PDP1: variants seen among roughly 807,000 people sequenced by gnomAD.
PDP1 encodes the protein pyruvate dehydrogenase phosphatase catalytic subunit 1.
PDP1 carries 14 observed loss-of-function variants against 37.1 expected under a neutral mutation model. The ratio of observed to expected loss-of-function variants is 0.38; its 90% CI spans 0.25 to 0.59. PDP1 has a LOEUF of 0.59. Among genes scored for constraint, PDP1 ranks in the 20% least tolerant of loss-of-function variants. PDP1 has a pLI of 0.67. For synonymous variants in PDP1, 251 were observed against 243.3 expected (o/e 1.03, Z -0.29); for missense variants, 544 against 655.3 (o/e 0.83, Z 1.85).
rs151019510 is a variant in PDP1 at position 93,918,606 on chromosome 8, A to G, written c.-45+1527A>G. ...AACGTGGCTGAGTCTAGATCATGGA[A>G]TAGGAAATTTTCCGTGAAAATTGTG... is the stretch of plus-strand genomic sequence containing the variant. On this transcript the variant is annotated intron_variant, in intron 1 of 1. Transcript: ENST00000297598. Among the ~76,000 whole-genome samples the G allele has an allele frequency of 3.1e-3, 475 of 152,334 alleles. 2 individuals are homozygous for G. Among genetic ancestry groups the G allele is most frequent in the South Asian group, 0.028 (136 of 4,828 alleles).
chr8:93,921,022 A>T (rs1178672922), intron 1 of PDP1: 1 of 984,994 alleles, frequency 1.0e-6, no homozygotes, highest in Non-Finnish European at 1.2e-6. Flanking sequence ...TCTAGGACTG[A>T]AACCATTTAT....
At chr8:93,920,723 C>CA in intron 1 of PDP1, 4 of 780,416 alleles carry the variant, frequency 5.1e-6, no homozygotes, top group Non-Finnish European at 4.6e-6. Flanking sequence ...AAGTAAATAC[C>CA]TTTTTTTTTT....
In PDP1 at chr8:93,917,063, G is replaced by A. The variant is rs1248083371; in HGVS notation, c.-61G>A. The A allele has an allele frequency of 6.2e-6, 3 of 480,130 alleles. No homozygotes were observed. Among genetic ancestry groups the A allele is most frequent in the African/African-American group, 6.2e-5 (3 of 48,266 alleles). The allele number at this position is 480,130 out of a possible 1,614,324, so 29.7% of individuals were successfully genotyped here. A position where few individuals can be genotyped will look rare whatever the true frequency, so the allele number is the denominator to read the frequency against. On this transcript the variant is annotated 5_prime_UTR_variant, in exon 1 of 2. Transcript: ENST00000297598. The stretch of plus-strand genomic sequence containing the variant: ...CCTCCTCGTCGGGAAGAATCGTTTG[G>A]TCTCCTGCCGTGCCCGGTTCGTATT...
At position 93,922,144 on chromosome 8, in the gene PDP1, C is replaced by A; in HGVS notation, c.85C>A (p.His29Asn). Residue 29 changes from histidine to asparagine, a missense_variant, in exon 2 of 2, where the codon CAC (histidine) becomes AAC (asparagine). His to Asn is a moderately conservative substitution (Grantham distance 68). Transcript: ENST00000297598. The surrounding 1 kb of genome is among the most constrained non-coding windows in gnomAD (Gnocchi z 4.0). Reference sequence around the variant, plus strand: ...CTATGGCACTGCATGTTACTGCCACCACAAACATCTCTGTTGTTCCTCATC... The same window carrying A: ...CTATGGCACTGCATGTTACTGCCACAACAAACATCTCTGTTGTTCCTCATC... The part of the protein sequence containing the change: ...RIYGTACYCH[H>N]KHLCCSSSYI... 1 of 1,614,148 alleles carries A rather than the reference C, an allele frequency of 6.2e-7. No individual in the cohort carries two copies. The highest frequency in any genetic ancestry group is 8.5e-7 in the Non-Finnish European group (1 of 1,180,006).
Position 93,922,151 on chromosome 8 carries a change from A to T in PDP1, c.92A>T (p.His31Leu), listed in dbSNP as rs764383471. The part of the protein sequence containing the change: ...YGTACYCHHK[H>L]LCCSSSYIPQ... Reference sequence around the variant, plus strand: ...ACTGCATGTTACTGCCACCACAAACATCTCTGTTGTTCCTCATCGTACATT... The same window carrying T: ...ACTGCATGTTACTGCCACCACAAACTTCTCTGTTGTTCCTCATCGTACATT... The change falls in exon 2 of 2, where the codon CAT becomes CTT. Residue 31 changes from histidine (H) to leucine (L), a missense_variant. By Grantham distance (99) the His-to-Leu change is moderately conservative. Around this residue, in one of 5 missense-constraint regions of PDP1, gnomAD observed 342 missense variants for 414.0 expected, o/e 0.83. Coordinates refer to ENST00000297598, the MANE Select transcript of PDP1 (RefSeq NM_018444.4). This position sits in a 1 kb window ranked among gnomAD's most constrained non-coding sequence, Gnocchi z 4.0. 4 of 1,614,170 alleles carry T rather than the reference A, an allele frequency of 2.5e-6. No homozygotes were observed. In the South Asian group the frequency reaches 4.4e-5, roughly 18 times the overall value.
intron 1 of PDP1, chr8:93,918,019 T>C: frequency 6.5e-7 from 1 of 1,531,052 alleles, no homozygotes; most frequent in Non-Finnish European, 9.0e-7. Flanking sequence ...TGGATGGTTT[T>C]AGATGAATCA....
At chr8:93,919,649 C>T (rs1293774646) in intron 1 of PDP1, among the ~76,000 whole-genome samples, 3 of 138,010 alleles carry the variant, frequency 2.2e-5, no homozygotes, top group Non-Finnish European at 3.1e-5. Context: ...AGTCAGTTTA[C>T]GTTCCATACA....
At position 93,920,790 on chromosome 8, in the gene PDP1, A is replaced by G. The variant is rs1810244995; in HGVS notation, c.-44-1226A>G. The G allele has an allele frequency of 1.2e-5, 9 of 736,024 alleles. No homozygotes were observed. The South Asian group carries it at 3.7e-4, about 30-fold the overall frequency. 45.6% of individuals were successfully genotyped at this position (736,024 alleles called of 1,614,324 possible). ...TTTTAAAATTTATTTTTAATTTACA[A>G]TTGACACATAATATTATATATTTAT... On this transcript the variant is annotated intron_variant, in intron 1 of 1. Coordinates refer to ENST00000297598, the MANE Select transcript of PDP1 (RefSeq NM_018444.4).
At chr8:93,917,874 G>C (rs1563514181) in intron 1 of PDP1, 1 of 1,613,938 alleles carries the variant, frequency 6.2e-7, no homozygotes, top group Admixed American at 1.7e-5. Context: ...TGCCCGCGCG[G>C]GTTGTGGATG....
rs1810386069 is a variant in PDP1 at position 93,924,665 on chromosome 8, A to T, written c.*992A>T. 6.0e-6 allele frequency: 1 copy of T among 167,120 alleles called. No individual in the cohort carries two copies. Among genetic ancestry groups the T allele is most frequent in the South Asian group, 2.1e-4 (1 of 4,834 alleles). 10.4% of individuals were successfully genotyped at this position (167,120 alleles called of 1,614,324 possible). ...ATATCAATTTGGGGAGTAAGGTTTA[A>T]TATTGCCATCGGGTATTGAGACAGG... On this transcript the variant is annotated 3_prime_UTR_variant, in exon 2 of 2. Transcript: ENST00000297598.
rs953818530 is a variant in PDP1 at position 93,925,607 on chromosome 8, G to A, written c.*1934G>A. 7 of 166,912 alleles carry A rather than the reference G, an allele frequency of 4.2e-5. No individual in the cohort carries two copies. The highest frequency in any genetic ancestry group is 1.7e-4 in the African/African-American group (7 of 41,414). The allele number at this position is 166,912 out of a possible 1,614,324, so 10.3% of individuals were successfully genotyped here. A position where few individuals can be genotyped will look rare whatever the true frequency, so the allele number is the denominator to read the frequency against. On this transcript the variant is annotated 3_prime_UTR_variant, in exon 2 of 2. Transcript: ENST00000297598. ...TCAAGATAGTAGTATTATTACACAA[G>A]AAACTTGGTCTGCAGTCTGGAAGCT...
In PDP1 at chr8:93,923,652, G is replaced by A. The variant is rs747071043; in HGVS notation, c.1593G>A (p.Gly531=). Residue 531 remains glycine (G), a synonymous_variant, in exon 2 of 2, where the codon GGG becomes GGA. Transcript: ENST00000297598. This position sits in a 1 kb window ranked among gnomAD's most constrained non-coding sequence, Gnocchi z 4.3. The stretch of plus-strand genomic sequence containing the variant: ...TTCAGTTCAATTCTCATGTTGTAGG[G>A]GCGTATCAAAACCAAGAATAGTGAG... ...IVVQFNSHVV[G]AYQNQE is the part of the protein sequence containing the mutation. The A allele has an allele frequency of 5.6e-6, 9 of 1,613,776 alleles. No homozygotes were observed. The South Asian group carries it at 8.8e-5, about 16-fold the overall frequency.
Position 93,923,210 on chromosome 8 carries a change from T to C in PDP1, c.1151T>C (p.Phe384Ser). Residue 384 changes from phenylalanine to serine, a missense_variant, in exon 2 of 2, where the codon TTT becomes TCT. Phe to Ser is a radical substitution (Grantham distance 155). Around this residue, in one of 5 missense-constraint regions of PDP1, gnomAD observed 35 missense variants for 36.1 expected, o/e 0.97. Transcript: ENST00000297598. The surrounding 1 kb of genome is among the most constrained non-coding windows in gnomAD (Gnocchi z 4.3). ...DQLNDNEYTKFIPPNYHTPPY... is the reference protein window; with the variant it reads ...DQLNDNEYTKSIPPNYHTPPY... ...TTGAATGACAATGAATATACCAAGT[T>C]TATTCCTCCTAATTATCACACACCT... The C allele has an allele frequency of 1.2e-6, 2 of 1,613,632 alleles. No individual in the cohort carries two copies. Among genetic ancestry groups the C allele is most frequent in the South Asian group, 1.1e-5 (1 of 91,072 alleles).
At chr8:93,917,840 G>GGCCGGTGCTGCT in intron 1 of PDP1, 1 of 1,613,060 alleles carries the variant, frequency 6.2e-7, no homozygotes, top group East Asian at 2.2e-5. Context: ...GCTTTCAATG[G>GGCCGGTGCTGCT]GCCGGTGCTG....
chr8:93,921,141 T>C (rs2130379143), intron 1 of PDP1: 1 of 985,150 alleles, frequency 1.0e-6, no homozygotes, highest in East Asian at 1.1e-4. Context: ...CTGAATTTTA[T>C]TTAAAAACCT....
intron 1 of PDP1, chr8:93,920,798 A>T: frequency 1.4e-6 from 1 of 706,742 alleles, no homozygotes; most frequent in Non-Finnish European, 1.7e-6. Flanking sequence ...CAATTGACAC[A>T]TAATATTATA....
chr8:93,923,288 A>T lies in PDP1; in HGVS notation c.1229A>T (p.Asp410Val). Residue 410 changes from aspartate to valine, a missense_variant, in exon 2 of 2, where the codon GAT becomes GTT. Asp to Val is a radical substitution (Grantham distance 152, BLOSUM62 -3). This residue lies in a region of PDP1 where 159 missense variants were observed against 165.5 expected (regional missense o/e 0.96). Coordinates refer to ENST00000297598, the MANE Select transcript of PDP1 (RefSeq NM_018444.4). The surrounding 1 kb of genome is among the most constrained non-coding windows in gnomAD (Gnocchi z 4.3). ...EVTYHRLRPQ[D>V]KFLVLATDGL... Reference sequence around the variant, plus strand: ...ACTTACCACCGATTAAGGCCACAGGATAAGTTTCTGGTGTTGGCTACTGAT... The same window carrying T: ...ACTTACCACCGATTAAGGCCACAGGTTAAGTTTCTGGTGTTGGCTACTGAT... 1 of 1,614,142 alleles carries T rather than the reference A, an allele frequency of 6.2e-7. No homozygotes were observed. The highest frequency in any genetic ancestry group is 1.1e-5 in the South Asian group (1 of 91,078).
intron 1 of PDP1, chr8:93,918,817 A>G (rs1288193450): frequency 2.6e-5 from 4 of 152,218 alleles, no homozygotes; most frequent in Non-Finnish European, 5.9e-5. Context: ...AGAGTTTTTC[A>G]TTGCTTACTT....
In PDP1 at chr8:93,923,103, GC is replaced by G; in HGVS notation, c.1046del (p.Pro349HisfsTer8). ...KQDRLLGLLM[P>X]FRAFGDVKFK... is the part of the protein sequence containing the mutation. ...AGGATCGGCTGCTTGGCTTGCTGAT[GC>G]CATTTAGGGCATTTGGAGATGTAAA... is the stretch of plus-strand genomic sequence containing the variant. On this transcript the variant is annotated frameshift_variant, in exon 2 of 2. Transcript: ENST00000297598. LOFTEE classifies it high-confidence loss of function. This position sits in a 1 kb window ranked among gnomAD's most constrained non-coding sequence, Gnocchi z 4.3. 6.2e-7 allele frequency: 1 copy of G among 1,614,176 alleles called. No homozygotes were observed. The highest frequency in any genetic ancestry group is 8.5e-7 in the Non-Finnish European group (1 of 1,180,018).
Sources: allele counts gnomAD v4.1 joint callset (sites outside exome capture counted in the v4.1 genomes callset), GRCh38; gene constraint gnomAD v4.1.1; regional missense constraint gnomAD v4.1.1; non-coding constraint Gnocchi (gnomAD v3.1); transcripts MANE v1.5; gene names NCBI Gene and HGNC (gene_info 2026-07-23, HGNC 2026-07-21).